The following GMDS variants were observed in gnomAD, a reference collection of about 807,000 sequenced individuals.
The protein encoded by GMDS is GDP-mannose 4,6-dehydratase, also known as GDP-mannose 4,6 dehydratase.
A neutral mutation model predicts 49.9 loss-of-function variants in GMDS; 20 were observed. That is an observed-to-expected ratio of 0.40 (90% CI 0.28 to 0.58). The LOEUF is 0.58. Among genes scored for constraint, GMDS ranks in the 20% least tolerant of loss-of-function variants. The pLI is 0.42. For missense variants in GMDS, 362 were observed against 481.4 expected (o/e 0.75, Z 2.32); for synonymous variants, 177 against 178.6 (o/e 0.99, Z 0.07).
At chr6:1,652,554 TTA>T (rs1763712606) in intron 9 of GMDS, among the ~76,000 whole-genome samples, 1 of 12,522 alleles carries the variant, frequency 8.0e-5, no homozygotes, top group Non-Finnish European at 1.7e-4. Context: ...ATATAATATA[TTA>T]TATATATTAT....
At chr6:2,243,221 T>C (rs890224319) in intron 1 of GMDS, among the ~76,000 whole-genome samples, 64 of 152,216 alleles carry the variant, frequency 4.2e-4, no homozygotes, top group African/African-American at 1.5e-3. Context: ...AGTGGTCTGC[T>C]GAGTGTGGTG....
chr6:2,050,435 A>T (rs1398835559), intron 4 of GMDS, among the ~76,000 whole-genome samples: 1 of 152,240 alleles, frequency 6.6e-6, no homozygotes, highest in Non-Finnish European at 1.5e-5. Flanking sequence ...TCACAGCCGA[A>T]TTCTACCAGA....
chr6:1,938,588 A>C (rs1410304088), intron 6 of GMDS, among the ~76,000 whole-genome samples: 2 of 151,966 alleles, frequency 1.3e-5, no homozygotes, highest in African/African-American at 4.8e-5. Flanking sequence ...TCTCCTGTTA[A>C]TGTAAAGATA....
intron 8 of GMDS, 114 bp downstream of exon 8, chr6:1,742,354 T>G: frequency 1.5e-6 from 1 of 663,468 alleles, no homozygotes; most frequent in Non-Finnish European, 2.7e-6. Flanking sequence ...AAACTTTCTG[T>G]ATTGCTCTTC....
intron 4 of GMDS, among the ~76,000 whole-genome samples, chr6:2,085,279 T>TTTTCATTA (rs1377814219): frequency 1.3e-5 from 2 of 152,216 alleles, no homozygotes; most frequent in Non-Finnish European, 2.9e-5. Flanking sequence ...AACATGGTTA[T>TTTTCATTA]TTTCATTATT....
At chr6:1,896,583 G>C (rs1760203683) in intron 7 of GMDS, among the ~76,000 whole-genome samples, 1 of 152,126 alleles carries the variant, frequency 6.6e-6, no homozygotes, top group Non-Finnish European at 1.5e-5. Context: ...GAGGAGAGGG[G>C]GTGTCAGGTG....
At chr6:1,955,356 A>T (rs1190336180) in intron 6 of GMDS, among the ~76,000 whole-genome samples, 1 of 152,246 alleles carries the variant, frequency 6.6e-6, no homozygotes, top group Non-Finnish European at 1.5e-5. Context: ...AACTGAGTAC[A>T]TATGAAAGAA....
intron 1 of GMDS, among the ~76,000 whole-genome samples, chr6:2,239,669 C>G (rs1005015045): frequency 1.3e-5 from 2 of 152,244 alleles, no homozygotes; most frequent in African/African-American, 4.8e-5. Context: ...ACATCTCTCT[C>G]ACTTCCAATA....
intron 4 of GMDS, among the ~76,000 whole-genome samples, chr6:2,054,035 A>C (rs993324965): frequency 9.9e-5 from 15 of 152,154 alleles, no homozygotes; most frequent in African/African-American, 3.4e-4. Context: ...ATTCAGAATA[A>C]ATTATATTCA....
chr6:2,062,974 A>G (rs1039020637), intron 4 of GMDS, among the ~76,000 whole-genome samples: 3 of 152,198 alleles, frequency 2.0e-5, no homozygotes, highest in African/African-American at 7.2e-5. Flanking sequence ...CAGTAGCTAC[A>G]GCATTACTGC....
intron 7 of GMDS, among the ~76,000 whole-genome samples, chr6:1,923,007 C>T (rs970218715): frequency 2.0e-5 from 3 of 152,202 alleles, no homozygotes; most frequent in African/African-American, 4.8e-5. Context: ...GAGCTGTTGG[C>T]TTTAAAAGGG....
At chr6:1,889,437 C>G (rs1453707207) in intron 7 of GMDS, among the ~76,000 whole-genome samples, 1 of 152,166 alleles carries the variant, frequency 6.6e-6, no homozygotes, top group East Asian at 1.9e-4. Flanking sequence ...GTTCTGCATT[C>G]CAACAACTTC....
At chr6:1,737,071 G>A (rs935761091) in intron 8 of GMDS, among the ~76,000 whole-genome samples, 1 of 152,182 alleles carries the variant, frequency 6.6e-6, no homozygotes, top group Non-Finnish European at 1.5e-5. Flanking sequence ...GGAGCAAGGT[G>A]CATGAGCACA....
chr6:1,739,628 C>T (rs1767183404), intron 8 of GMDS, among the ~76,000 whole-genome samples: 1 of 152,366 alleles, frequency 6.6e-6, no homozygotes, highest in Admixed American at 6.5e-5. Context: ...CAAGGGCCAG[C>T]CACAGTCCTT....
At chr6:1,815,482 G>A (rs1035704028) in intron 7 of GMDS, among the ~76,000 whole-genome samples, 20 of 152,214 alleles carry the variant, frequency 1.3e-4, no homozygotes, top group African/African-American at 4.6e-4. Flanking sequence ...CTAGACCTGC[G>A]CAACAGCCTT....
intron 7 of GMDS, among the ~76,000 whole-genome samples, chr6:1,929,017 C>T (rs1043029891): frequency 6.7e-6 from 1 of 150,346 alleles, no homozygotes; most frequent in African/African-American, 2.5e-5. Flanking sequence ...CTAAATGTTG[C>T]ACTATTCAAA....
chr6:2,083,579 T>C (rs191093019), intron 4 of GMDS, among the ~76,000 whole-genome samples: 1 of 152,348 alleles, frequency 6.6e-6, no homozygotes, highest in East Asian at 1.9e-4. Context: ...GATATTTTGG[T>C]TAATTCTAAC....
intron 9 of GMDS, among the ~76,000 whole-genome samples, chr6:1,655,520 TA>T (rs1218127038): frequency 1.3e-5 from 1 of 78,398 alleles, no homozygotes; most frequent in African/African-American, 5.9e-5. Context: ...CACACACACA[TA>T]TTTTTTTTTT....
intron 1 of GMDS, among the ~76,000 whole-genome samples, chr6:2,220,389 G>C (rs1780530439): frequency 6.6e-6 from 1 of 152,168 alleles, no homozygotes; most frequent in South Asian, 2.1e-4. Flanking sequence ...TGTGCTGCTT[G>C]GTTACCCTGA....
Sources: gnomAD v4.1 joint callset for allele counts (sites outside exome capture counted in the v4.1 genomes callset) on GRCh38, gnomAD v4.1.1 for gene constraint, MANE v1.5 for transcripts, NCBI Gene and HGNC (gene_info 2026-07-23, HGNC 2026-07-21) for gene names.